The following FOXP1 variants were observed in gnomAD, a reference collection of about 807,000 sequenced individuals.
The protein encoded by FOXP1 is forkhead box protein P1.
Under a neutral mutation model 98.2 loss-of-function variants are expected in FOXP1, and 15 were observed. The observed-to-expected ratio is 0.15, with a 90% CI of 0.10 to 0.24. FOXP1 has a LOEUF of 0.24. Among genes scored for constraint, FOXP1 ranks in the 10% least tolerant of loss-of-function variants. The pLI, the probability that FOXP1 is intolerant of heterozygous loss-of-function variation, is 1.00. For missense variants in FOXP1, 633 were observed against 848.5 expected, an observed-to-expected ratio of 0.75 and a Z score of 3.15; for synonymous variants, 371 against 314.5, an observed-to-expected ratio of 1.18 and a Z score of -1.90.
intron 5 of FOXP1, among the ~76,000 whole-genome samples, chr3:71,243,690 A>C (rs937365226): frequency 6.6e-6 from 1 of 152,244 alleles, no homozygotes; most frequent in African/African-American, 2.4e-5. Flanking sequence ...GTTGCCAAAC[A>C]TATTTATTAT....
At chr3:71,583,432 T>C in intron 1 of FOXP1, 139 bp downstream of exon 1, 1 of 970,432 alleles carries the variant, frequency 1.0e-6, no homozygotes, top group Non-Finnish European at 1.2e-6. Flanking sequence ...AGTTGTTTTT[T>C]TTTTTCCATT....
chr3:71,035,549 G>T (rs1206145425), intron 11 of FOXP1, among the ~76,000 whole-genome samples: 1 of 152,162 alleles, frequency 6.6e-6, no homozygotes, highest in Admixed American at 6.5e-5. Flanking sequence ...GCTGGATTTG[G>T]CAGGCTGACC....
intron 11 of FOXP1, among the ~76,000 whole-genome samples, chr3:71,032,579 T>C (rs1480429680): frequency 1.3e-5 from 2 of 152,232 alleles, no homozygotes; most frequent in Admixed American, 1.3e-4. Context: ...TCAGGAATGC[T>C]GTACATATCT....
chr3:71,497,727 C>G (rs532375569), intron 2 of FOXP1, among the ~76,000 whole-genome samples: 2 of 152,188 alleles, frequency 1.3e-5, no homozygotes, highest in African/African-American at 2.4e-5. Context: ...ATTCAGTGAA[C>G]CCCCAGGGGC....
intron 7 of FOXP1, among the ~76,000 whole-genome samples, chr3:71,100,810 T>C (rs1352196110): frequency 6.6e-6 from 1 of 152,122 alleles, no homozygotes; most frequent in African/African-American, 2.4e-5. Context: ...CTCTCCCCAG[T>C]CAGAAGGCTA....
chr3:71,190,585 C>A (rs1377307102), intron 6 of FOXP1, among the ~76,000 whole-genome samples: 1 of 135,064 alleles, frequency 7.4e-6, no homozygotes, highest in African/African-American at 2.9e-5. Context: ...GCCATGATCG[C>A]AACCCTGTAC....
chr3:71,364,538 T>C (rs2078785573), intron 3 of FOXP1, among the ~76,000 whole-genome samples: 1 of 152,234 alleles, frequency 6.6e-6, no homozygotes, highest in South Asian at 2.1e-4. Context: ...TGCTGTTGAA[T>C]TGGCTTTTAA....
chr3:71,398,786 A>G (rs1211029903), intron 3 of FOXP1, among the ~76,000 whole-genome samples: 2 of 152,216 alleles, frequency 1.3e-5, no homozygotes, highest in East Asian at 3.8e-4. Context: ...GGTGGTGACA[A>G]ACAATTGTAA....
chr3:71,527,255 G>C (rs1244766223), intron 2 of FOXP1, among the ~76,000 whole-genome samples: 1 of 152,182 alleles, frequency 6.6e-6, no homozygotes, highest in African/African-American at 2.4e-5. Flanking sequence ...TCCAGAGCAA[G>C]GAGCAGCAAA....
intron 5 of FOXP1, among the ~76,000 whole-genome samples, chr3:71,235,315 G>T (rs912176319): frequency 6.6e-6 from 1 of 152,134 alleles, no homozygotes; most frequent in African/African-American, 2.4e-5. Flanking sequence ...ATAGAATGTA[G>T]GAAAGATGTG....
chr3:71,072,999 A>G (rs2053428125), intron 7 of FOXP1, among the ~76,000 whole-genome samples: 1 of 152,192 alleles, frequency 6.6e-6, no homozygotes, highest in Non-Finnish European at 1.5e-5. Flanking sequence ...TTTATTTTTT[A>G]TTATTTCAAA....
chr3:71,510,636 C>A (rs2042138408), intron 2 of FOXP1, among the ~76,000 whole-genome samples: 3 of 152,334 alleles, frequency 2.0e-5, no homozygotes, highest in African/African-American at 7.2e-5. Context: ...GAGCTCCTTG[C>A]TCTTCCCAGC....
chr3:70,966,594 T>G (rs1042245871), intron 19 of FOXP1, among the ~76,000 whole-genome samples: 2 of 152,164 alleles, frequency 1.3e-5, no homozygotes, highest in African/African-American at 4.8e-5. Context: ...CCTCCCATCA[T>G]TTCTGTTTTA....
chr3:71,118,646 T>C (rs899667881), intron 6 of FOXP1, among the ~76,000 whole-genome samples: 1 of 152,222 alleles, frequency 6.6e-6, no homozygotes, highest in Non-Finnish European at 1.5e-5. Context: ...GTCAGCAAAC[T>C]ATAGCCCGTG....
chr3:71,397,714 C>G (rs1463328583), intron 3 of FOXP1, among the ~76,000 whole-genome samples: 20 of 152,330 alleles, frequency 1.3e-4, no homozygotes, highest in Non-Finnish European at 8.8e-5. Flanking sequence ...CCCACCAAAG[C>G]TCTCACTGAT....
chr3:71,292,530 T>G (rs1272160984), intron 5 of FOXP1: 1 of 152,208 alleles, frequency 6.6e-6, no homozygotes, highest in Non-Finnish European at 1.5e-5. Context: ...ATACCAGGTT[T>G]CGCCATGTTG....
intron 3 of FOXP1, among the ~76,000 whole-genome samples, chr3:71,474,002 T>TAAAAG (rs2089594642): frequency 5.3e-5 from 8 of 152,200 alleles, no homozygotes; most frequent in Admixed American, 4.6e-4. Context: ...CTGGATGATC[T>TAAAAG]ATTACACCGT....
chr3:71,422,628 C>A (rs766964987), intron 3 of FOXP1, among the ~76,000 whole-genome samples: 1 of 152,074 alleles, frequency 6.6e-6, no homozygotes, highest in African/African-American at 2.4e-5. Flanking sequence ...GGGAAATAAT[C>A]GAAAAGAAAG....
At chr3:70,961,750 A>C (rs1337944706) in intron 20 of FOXP1, among the ~76,000 whole-genome samples, 1 of 152,162 alleles carries the variant, frequency 6.6e-6, no homozygotes, top group Non-Finnish European at 1.5e-5. Flanking sequence ...TTAAAATTTC[A>C]AGACAAAAAT....
Sources: allele counts gnomAD v4.1 joint callset (sites outside exome capture counted in the v4.1 genomes callset), GRCh38; gene constraint gnomAD v4.1.1; transcripts MANE v1.5; gene names NCBI Gene and HGNC (gene_info 2026-07-23, HGNC 2026-07-21).